NKAIN2: variants seen among roughly 807,000 people sequenced by gnomAD.
NKAIN2 encodes sodium/potassium transporting ATPase interacting 2.
Under a neutral mutation model 32.6 loss-of-function variants are expected in NKAIN2, and 14 were observed. The observed-to-expected ratio is 0.43, with a 90% CI of 0.28 to 0.67. The LOEUF (loss-of-function observed/expected upper bound fraction) is 0.67. Ranked by LOEUF, NKAIN2 falls within the 30% of genes least tolerant of loss-of-function variation. The pLI, the probability that NKAIN2 is intolerant of heterozygous loss-of-function variation, is 0.17. For missense variants in NKAIN2, 198 were observed against 258.3 expected, an observed-to-expected ratio of 0.77 and a Z score of 1.60; for synonymous variants, 80 against 87.2, an observed-to-expected ratio of 0.92 and a Z score of 0.46.
intron 4 of NKAIN2, among the ~76,000 whole-genome samples, chr6:124,697,167 G>A: frequency 6.6e-6 from 1 of 152,204 alleles, no homozygotes; most frequent in South Asian, 2.1e-4. Flanking sequence ...CACATAACCT[G>A]GGCATCTGCA....
chr6:124,359,143 G>A (rs546956424), intron 3 of NKAIN2, among the ~76,000 whole-genome samples: 1 of 152,248 alleles, frequency 6.6e-6, no homozygotes, highest in Admixed American at 6.5e-5. Context: ...TCTCTGTTTT[G>A]GTACCAGTAT....
intron 1 of NKAIN2, among the ~76,000 whole-genome samples, chr6:123,853,973 A>G (rs901969921): frequency 6.6e-6 from 1 of 151,994 alleles, no homozygotes; most frequent in African/African-American, 2.4e-5. Context: ...GGGTTTCACC[A>G]TGTTGGTCAG....
chr6:124,402,214 C>T (rs1439474692), intron 3 of NKAIN2, among the ~76,000 whole-genome samples: 1 of 151,928 alleles, frequency 6.6e-6, no homozygotes, highest in Non-Finnish European at 1.5e-5. Context: ...TGTTAAGAAA[C>T]CTGGACCTAA....
intron 1 of NKAIN2, among the ~76,000 whole-genome samples, chr6:123,934,103 C>T (rs2114530432): frequency 6.6e-6 from 1 of 152,288 alleles, no homozygotes; most frequent in African/African-American, 2.4e-5. Context: ...TCAACAACAA[C>T]TACTGCAACA....
intron 3 of NKAIN2, among the ~76,000 whole-genome samples, chr6:124,471,807 A>AT (rs546148235): frequency 6.6e-6 from 1 of 152,136 alleles, no homozygotes; most frequent in African/African-American, 2.4e-5. Flanking sequence ...TTTACGTATT[A>AT]TTTTTTATGC....
In NKAIN2 at chr6:124,143,356, G is replaced by C. The variant is rs759016001; in HGVS notation, c.55-139649G>C. ...CACACCTGTGGTCCCAGCTACTTGG[G>C]AGGCTGAGACAGGAGGATCATTTGA... On this transcript the variant is annotated intron_variant, in intron 1 of 6. Transcript: ENST00000368417. Among the ~76,000 whole-genome samples the C allele has an allele frequency of 7.4e-4, 112 of 152,152 alleles. 1 individual carries two copies. Among genetic ancestry groups the C allele is most frequent in the Non-Finnish European group, 1.4e-3 (98 of 68,032 alleles).
intron 3 of NKAIN2, among the ~76,000 whole-genome samples, chr6:124,503,020 A>T (rs1338582904): frequency 6.6e-6 from 1 of 152,142 alleles, no homozygotes; most frequent in Non-Finnish European, 1.5e-5. Context: ...ATGGCATTGC[A>T]TTTACTGATT....
chr6:124,330,027 T>C (rs1232373421), intron 2 of NKAIN2, among the ~76,000 whole-genome samples: 1 of 152,198 alleles, frequency 6.6e-6, no homozygotes, highest in Non-Finnish European at 1.5e-5. Context: ...TGACTGGCTG[T>C]TGGTCTTATC....
chr6:124,489,565 G>T (rs1777781116), intron 3 of NKAIN2, among the ~76,000 whole-genome samples: 1 of 151,774 alleles, frequency 6.6e-6, no homozygotes, highest in African/African-American at 2.4e-5. Context: ...CTACAGTTGG[G>T]CAAAATCATC....
intron 5 of NKAIN2, among the ~76,000 whole-genome samples, chr6:124,799,917 T>C (rs187634288): frequency 6.6e-6 from 1 of 152,266 alleles, no homozygotes; most frequent in Non-Finnish European, 1.5e-5. Flanking sequence ...CATCTCTCTC[T>C]ACCTTCTCAT....
At chr6:123,849,591 G>A (rs372903146) in intron 1 of NKAIN2, among the ~76,000 whole-genome samples, 18 of 152,270 alleles carry the variant, frequency 1.2e-4, no homozygotes, top group Admixed American at 5.9e-4. Context: ...CTATCTCTGT[G>A]GGTGTAGGCA....
rs575204610 is a variant in NKAIN2 at position 124,673,081 on chromosome 6, C to G, written c.474+14695C>G. Among the ~76,000 whole-genome samples, 30 of 152,170 alleles carry G rather than the reference C, an allele frequency of 2.0e-4. 1 individual carries two copies. The highest frequency in any genetic ancestry group is 1.8e-3 in the Admixed American group (27 of 15,262). ...CAAGCTTCTGGCACCCACCATCATA[C>G]TCTCTGCTTCTGTGAGTCTCACTAC... On this transcript the variant is annotated intron_variant, in intron 4 of 6. Transcript: ENST00000368417.
chr6:124,511,557 G>A (rs1778714870), intron 3 of NKAIN2, among the ~76,000 whole-genome samples: 1 of 152,086 alleles, frequency 6.6e-6, no homozygotes, highest in African/African-American at 2.4e-5. Context: ...AGTCAACCTT[G>A]CCTTCAGATT....
intron 1 of NKAIN2, among the ~76,000 whole-genome samples, chr6:124,014,331 G>A (rs1362350654): frequency 6.6e-5 from 10 of 152,064 alleles, no homozygotes; most frequent in African/African-American, 2.4e-4. Flanking sequence ...AAAAATAACA[G>A]TATCTTGACT....
rs148637538 is a variant in NKAIN2, at chr6:124,185,473, G to T, written c.55-97532G>T. Among the ~76,000 whole-genome samples, 124 of 152,194 alleles carry T rather than the reference G, an allele frequency of 8.1e-4. 2 individuals carry two copies. In the East Asian group the frequency reaches 0.019, roughly 23 times the overall value. ...AGAATGTTTTGTATGCTCAAAGAAA[G>T]ATGAACTTATATAATGAACAATAAA... On this transcript the variant is annotated intron_variant, in intron 1 of 6. Transcript: ENST00000368417.
intron 4 of NKAIN2, among the ~76,000 whole-genome samples, chr6:124,702,683 A>T (rs1364074970): frequency 1.3e-5 from 2 of 152,018 alleles, no homozygotes; most frequent in Non-Finnish European, 2.9e-5. Context: ...CCATTAAATC[A>T]TCAATGCTTA....
intron 1 of NKAIN2, among the ~76,000 whole-genome samples, chr6:124,007,604 G>T (rs1780129329): frequency 6.6e-6 from 1 of 152,154 alleles, no homozygotes; most frequent in African/African-American, 2.4e-5. Flanking sequence ...GGAACTTCTA[G>T]TTGGGTCAGG....
intron 1 of NKAIN2, among the ~76,000 whole-genome samples, chr6:124,273,558 A>G (rs1794900074): frequency 6.6e-6 from 1 of 152,238 alleles, no homozygotes; most frequent in Admixed American, 6.5e-5. Flanking sequence ...AGCATATATC[A>G]TAGTGTAAAA....
chr6:123,918,825 T>C (rs1310980557), intron 1 of NKAIN2, among the ~76,000 whole-genome samples: 8 of 152,286 alleles, frequency 5.3e-5, no homozygotes, highest in Middle Eastern at 3.4e-3. Flanking sequence ...TATAAAAGTA[T>C]GTATCAAGAA....
Sources: gnomAD v4.1 joint callset for allele counts (sites outside exome capture counted in the v4.1 genomes callset) on GRCh38, gnomAD v4.1.1 for gene constraint, MANE v1.5 for transcripts, NCBI Gene and HGNC (gene_info 2026-07-23, HGNC 2026-07-21) for gene names.